WWTR1: variants seen among roughly 807,000 people sequenced by gnomAD.
WWTR1 encodes WW domain containing transcription regulator 1, also known as WW domain-containing transcription regulator protein 1.
Under a neutral mutation model 40.1 loss-of-function variants are expected in WWTR1, and 13 were observed. The ratio of observed to expected loss-of-function variants is 0.32; its 90% CI spans 0.21 to 0.52. WWTR1 has a LOEUF of 0.52. WWTR1 is among the 20% of genes least tolerant of loss of function. The pLI is 0.97. For synonymous variants in WWTR1, 230 were observed against 210.1 expected (o/e 1.09, Z -0.82); for missense variants, 436 against 523.1 (o/e 0.83, Z 1.63).
chr3:149,520,691 C>G lies in WWTR1; in HGVS notation c.*114G>C. 1.0e-6 allele frequency: 1 copy of G among 978,792 alleles called. No homozygotes were observed. The allele number at this position is 978,792 out of a possible 1,614,324, so 60.6% of individuals were successfully genotyped here. ...CTGGCAACATAAAAAGGAGGGAGCA[C>G]GAGTCATGGAGGCGGGAAGTGGTGC... On this transcript the variant is annotated 3_prime_UTR_variant, in exon 7 of 7. Transcript: ENST00000360632.
chr3:149,675,412 A>T (rs77427010), intron 1 of WWTR1, among the ~76,000 whole-genome samples: 1 of 152,188 alleles, frequency 6.6e-6, no homozygotes, highest in African/African-American at 2.4e-5. Context: ...TCTGGCAGCC[A>T]TTTTGTAACC....
intron 6 of WWTR1, among the ~76,000 whole-genome samples, chr3:149,522,818 C>G (rs189745425): frequency 6.6e-6 from 1 of 151,946 alleles, no homozygotes; most frequent in Admixed American, 6.6e-5. Flanking sequence ...GGGTGGATCA[C>G]CTGAGGTCAG....
At chr3:149,615,359 T>G (rs1420404652) in intron 2 of WWTR1, among the ~76,000 whole-genome samples, 1 of 152,220 alleles carries the variant, frequency 6.6e-6, no homozygotes, top group African/African-American at 2.4e-5. Flanking sequence ...CAGAATTTGC[T>G]TTAAAATAAT....
chr3:149,633,126 C>T (rs894461547), intron 2 of WWTR1, among the ~76,000 whole-genome samples: 5 of 152,186 alleles, frequency 3.3e-5, no homozygotes, highest in Admixed American at 6.5e-5. Context: ...CAGTGGCTCA[C>T]GTCTGTAATC....
At chr3:149,584,177 C>A (rs76198672) in intron 2 of WWTR1, among the ~76,000 whole-genome samples, 3 of 152,192 alleles carry the variant, frequency 2.0e-5, no homozygotes, top group Non-Finnish European at 4.4e-5. Context: ...TGAAATATGT[C>A]GAAGCTAAAG....
intron 4 of WWTR1, among the ~76,000 whole-genome samples, chr3:149,721,060 CAG>C (rs1404818418): frequency 6.6e-6 from 1 of 152,058 alleles, no homozygotes; most frequent in Non-Finnish European, 1.5e-5. Context: ...CATCTGCAAA[CAG>C]GGATATTTTA....
chr3:149,636,281 A>G (rs2108117348), intron 2 of WWTR1, among the ~76,000 whole-genome samples: 1 of 152,316 alleles, frequency 6.6e-6, no homozygotes, highest in Non-Finnish European at 1.5e-5. Context: ...GATATCTCCA[A>G]TTCCCCTATT....
chr3:149,612,695 T>C (rs1297655405), intron 2 of WWTR1, among the ~76,000 whole-genome samples: 1 of 152,226 alleles, frequency 6.6e-6, no homozygotes, highest in Admixed American at 6.5e-5. Context: ...TTCAATGTGA[T>C]GAGTAAATTA....
At chr3:149,631,367 T>C (rs1371085019) in intron 2 of WWTR1, among the ~76,000 whole-genome samples, 1 of 152,168 alleles carries the variant, frequency 6.6e-6, no homozygotes, top group African/African-American at 2.4e-5. Context: ...AATTGTCGGG[T>C]TCCTTGATTC....
intron 1 of WWTR1, among the ~76,000 whole-genome samples, chr3:149,683,024 T>G (rs896022238): frequency 3.3e-5 from 5 of 152,142 alleles, no homozygotes; most frequent in Admixed American, 3.3e-4. Context: ...AATTCCCAGG[T>G]GCCCATCTGG....
chr3:149,698,949 AGGGACT>A (rs1715081465), intron 1 of WWTR1, among the ~76,000 whole-genome samples: 1 of 152,094 alleles, frequency 6.6e-6, no homozygotes, highest in African/African-American at 2.4e-5. Flanking sequence ...CTGTGATGGG[AGGGACT>A]TCCTAGAAGA....
At chr3:149,665,487 A>G (rs73155035) in intron 2 of WWTR1, among the ~76,000 whole-genome samples, 1 of 151,846 alleles carries the variant, frequency 6.6e-6, no homozygotes, top group Non-Finnish European at 1.5e-5. Context: ...AGCCTCCCAA[A>G]GTGCTGGGAT....
rs200643602 is a variant in WWTR1, at chr3:149,695,788, G to GA, written c.-108+7335dup. ...AAAAAAAAAAAACAAGAAAAGAAAA[G>GA]AAAAAAATATATATATATATATTTA... On this transcript the variant is annotated intron_variant, in intron 1 of 7. Coordinates refer to the WWTR1 transcript ENST00000465804. Among the ~76,000 whole-genome samples, 640 of 129,802 alleles carry GA rather than the reference G, an allele frequency of 4.9e-3. 6 individuals are homozygous for GA. Among genetic ancestry groups the GA allele is most frequent in the African/African-American group, 0.015 (576 of 37,196 alleles). The allele number at this position is 129,802 out of a possible 152,430, so 85.2% of individuals were successfully genotyped here. A position where few individuals can be genotyped will look rare whatever the true frequency, so the allele number is the denominator to read the frequency against.
chr3:149,530,347 C>T (rs1423345736), intron 4 of WWTR1, among the ~76,000 whole-genome samples: 2 of 73,592 alleles, frequency 2.7e-5, no homozygotes, highest in Admixed American at 2.8e-4. Flanking sequence ...GACTCTGTCT[C>T]AAAAAAAGAA....
chr3:149,674,071 T>A (rs1352069281), intron 1 of WWTR1, among the ~76,000 whole-genome samples: 2 of 62,288 alleles, frequency 3.2e-5, no homozygotes, highest in African/African-American at 5.3e-5. Flanking sequence ...AAAAAAAAAT[T>A]AGCTGGGCAT....
At chr3:149,637,229 TG>T (rs1168418684) in intron 2 of WWTR1, among the ~76,000 whole-genome samples, 83 of 98,182 alleles carry the variant, frequency 8.5e-4, no homozygotes, top group African/African-American at 3.7e-3. Flanking sequence ...ATATTGAGTA[TG>T]TTTTTTTTTT....
In WWTR1 at chr3:149,527,843, G is replaced by A. The variant is rs762568903; in HGVS notation, c.898C>T (p.Leu300Phe). ...SITNNSSDPF[L>F]NGGPYHSREQ... ...CCCCAAATATTAACTTACCCATTGA[G>A]GAAAGGATCTGAGCTATTATTAGTG... The change falls in exon 5 of 7, where the codon CTC (leucine) becomes TTC (phenylalanine). Residue 300 changes from leucine to phenylalanine, a missense_variant. By Grantham distance (22) the Leu-to-Phe change is conservative. Coordinates refer to ENST00000360632, the MANE Select transcript of WWTR1 (RefSeq NM_015472.6). 3 of 1,614,054 alleles carry A rather than the reference G, an allele frequency of 1.9e-6. No individual in the cohort carries two copies. The highest frequency in any genetic ancestry group is 1.1e-5 in the South Asian group (1 of 91,068).
rs559275254 is a variant in WWTR1 at position 149,636,217 on chromosome 3, C to T, written c.431+20659G>A. ...TAAATACTTGCTACAACTAGCTTTT[C>T]TGACATCTCTGTACTCACTACTGAC... is the stretch of plus-strand genomic sequence containing the variant. On this transcript the variant is annotated intron_variant, in intron 2 of 6. Coordinates refer to ENST00000360632, the MANE Select transcript of WWTR1 (RefSeq NM_015472.6). Among the ~76,000 whole-genome samples the T allele has an allele frequency of 3.9e-5, 6 of 152,328 alleles. No individual in the cohort carries two copies. In the East Asian group the frequency reaches 1.2e-3, roughly 29 times the overall value.
chr3:149,652,725 A>C (rs1712963174), intron 2 of WWTR1, among the ~76,000 whole-genome samples: 1 of 151,192 alleles, frequency 6.6e-6, no homozygotes. Flanking sequence ...TAAACATCAA[A>C]CCTGGGAGAG....
Sources: allele counts gnomAD v4.1 joint callset (sites outside exome capture counted in the v4.1 genomes callset), GRCh38; gene constraint gnomAD v4.1.1; transcripts MANE v1.5; gene names NCBI Gene and HGNC (gene_info 2026-07-23, HGNC 2026-07-21).